Variants in AGTPBP1 observed in about 807,000 individuals in gnomAD.
The protein encoded by AGTPBP1 is cytosolic carboxypeptidase 1.
In AGTPBP1, 70 loss-of-function variants were observed where a neutral mutation model predicts 143.9. That is an observed-to-expected ratio of 0.49 (90% CI 0.40 to 0.59). The LOEUF is 0.59. AGTPBP1 is among the 20% of genes least tolerant of loss of function. AGTPBP1 has a pLI of 0.00. For missense variants in AGTPBP1, 1,229 were observed against 1,464.5 expected, an observed-to-expected ratio of 0.84 and a Z score of 2.62; for synonymous variants, 463 against 500.2, an observed-to-expected ratio of 0.93 and a Z score of 0.99.
At chr9:85,744,912 G>C (rs1431773133), upstream of AGTPBP1, among the ~76,000 whole-genome samples, 1 of 152,170 alleles carries the variant, frequency 6.6e-6, no homozygotes. Flanking sequence ...ACAAAACACA[G>C]AGCTAATTTC....
chr9:85,625,496 A>G (rs919870364), intron 14 of AGTPBP1, among the ~76,000 whole-genome samples: 2 of 152,114 alleles, frequency 1.3e-5, no homozygotes, highest in African/African-American at 2.4e-5. Flanking sequence ...TTTTATTTTC[A>G]TAAGCGTATT....
rs568423966 is a variant in AGTPBP1 at position 85,553,740 on chromosome 9, C to T, written c.3504-6454G>A. 3 of 152,284 alleles carry T rather than the reference C, an allele frequency of 2.0e-5. No homozygotes were observed. In the East Asian group the frequency reaches 5.8e-4, roughly 29 times the overall value. The allele number at this position is 152,284 out of a possible 1,614,324, so 9.4% of individuals were successfully genotyped here. ...AAATTAGACAAGAGCATTTCAAAAA[C>T]TGAAACCATTATATTCTATTAATTT... On this transcript the variant is annotated intron_variant, in intron 25 of 25. Transcript: ENST00000357081.
chr9:85,790,530 A>G, the AGTPBP1 span, among the ~76,000 whole-genome samples: 2 of 152,166 alleles, frequency 1.3e-5, no homozygotes, highest in Non-Finnish European at 1.5e-5. Context: ...TCCAACATGG[A>G]GGTAATTAGA....
intron 3 of AGTPBP1, among the ~76,000 whole-genome samples, chr9:85,689,127 GTA>G (rs1326381169): frequency 6.6e-6 from 1 of 152,112 alleles, no homozygotes; most frequent in African/African-American, 2.4e-5. Context: ...CATATGAACT[GTA>G]TGTTTCAACT....
At chr9:85,623,701 G>A (rs1831090152) in intron 14 of AGTPBP1, among the ~76,000 whole-genome samples, 1 of 151,248 alleles carries the variant, frequency 6.6e-6, no homozygotes, top group African/African-American at 2.4e-5. Context: ...AGGTTGCAGT[G>A]AGCTGAGATT....
intron 9 of AGTPBP1, among the ~76,000 whole-genome samples, chr9:85,658,253 A>G (rs1045757637): frequency 3.9e-5 from 6 of 152,194 alleles, no homozygotes; most frequent in African/African-American, 9.6e-5. Flanking sequence ...GGAGCATTAC[A>G]TGATTAGAAA....
chr9:85,710,674 C>T (rs74840765), intron 2 of AGTPBP1, among the ~76,000 whole-genome samples: 1,733 of 149,470 alleles, frequency 0.012, 17 homozygotes, highest in Non-Finnish European at 0.018. Context: ...AATTAGTTAC[C>T]CTACAACAAC....
the AGTPBP1 span, among the ~76,000 whole-genome samples, chr9:85,764,315 G>A: frequency 6.6e-6 from 1 of 151,954 alleles, no homozygotes; most frequent in African/African-American, 2.4e-5. Context: ...GATCACCTGA[G>A]GTCAGGAGTT....
chr9:85,673,320 C>T (rs1220549669), intron 6 of AGTPBP1, among the ~76,000 whole-genome samples: 2 of 152,012 alleles, frequency 1.3e-5, no homozygotes, highest in Non-Finnish European at 2.9e-5. Flanking sequence ...TACACATATA[C>T]ATTTGTCTAG....
chr9:85,707,183 G>A (rs1837069641), intron 2 of AGTPBP1, among the ~76,000 whole-genome samples: 1 of 151,952 alleles, frequency 6.6e-6, no homozygotes, highest in Non-Finnish European at 1.5e-5. Context: ...GAAATCAGAA[G>A]GTATTTCTAA....
chr9:85,611,620 T>G (rs553068322), intron 17 of AGTPBP1, among the ~76,000 whole-genome samples: 28 of 152,252 alleles, frequency 1.8e-4, no homozygotes, highest in Non-Finnish European at 2.9e-4. Context: ...CTTAGGTAGA[T>G]AGAGAAGACA....
the AGTPBP1 span, among the ~76,000 whole-genome samples, chr9:85,755,247 T>C: frequency 6.6e-6 from 1 of 152,168 alleles, no homozygotes; most frequent in Non-Finnish European, 1.5e-5. Flanking sequence ...GAAATAATAC[T>C]ATATGGATTT....
At chr9:85,673,848 C>T (rs937434220) in intron 6 of AGTPBP1, among the ~76,000 whole-genome samples, 10 of 151,942 alleles carry the variant, frequency 6.6e-5, no homozygotes, top group Non-Finnish European at 4.4e-5. Flanking sequence ...AGGCAGGGCG[C>T]GGTGGCTCAC....
the AGTPBP1 span, among the ~76,000 whole-genome samples, chr9:85,767,446 C>T: frequency 6.6e-6 from 1 of 151,496 alleles, no homozygotes; most frequent in Non-Finnish European, 1.5e-5. Context: ...CTGCCTGGTT[C>T]AAGCGATTTC....
At chr9:85,681,498 T>C (rs1009078998) in intron 3 of AGTPBP1, among the ~76,000 whole-genome samples, 163 bp from the exon 4 acceptor site, 3 of 152,298 alleles carry the variant, frequency 2.0e-5, no homozygotes, top group African/African-American at 4.8e-5. Context: ...AATTCTACCA[T>C]ATGTGGACTT....
At chr9:85,778,444 C>T in the AGTPBP1 span, among the ~76,000 whole-genome samples, 1 of 152,176 alleles carries the variant, frequency 6.6e-6, no homozygotes, top group Non-Finnish European at 1.5e-5. Flanking sequence ...CAAACAGCAT[C>T]CCTATCTGCC....
rs763353263 is a variant in AGTPBP1, at chr9:85,633,266, T to C, written c.1411A>G (p.Asn471Asp). The C allele has an allele frequency of 1.2e-6, 2 of 1,614,086 alleles. No homozygotes were observed. Among genetic ancestry groups the C allele is most frequent in the Non-Finnish European group, 1.7e-6 (2 of 1,179,996 alleles). The change falls in exon 14 of 26, where the codon AAT (asparagine) becomes GAT (aspartate). Residue 471 changes from asparagine (N) to aspartate (D), a missense_variant. Coordinates refer to ENST00000357081, the MANE Select transcript of AGTPBP1 (RefSeq NM_001330701.2). ...TCCTTCATTACAACTTTTCTTAAAT[T>C]GCCAGAATTCCCAGATGTTTCCTCG... ...AGEETSGNSG[N>D]LRKVVMKENI...
At chr9:85,645,147 T>A (rs1030861077) in intron 12 of AGTPBP1, among the ~76,000 whole-genome samples, 4 of 152,140 alleles carry the variant, frequency 2.6e-5, no homozygotes, top group African/African-American at 7.2e-5. Flanking sequence ...AGGGTTGCTA[T>A]AAGGATCTAA....
At chr9:85,671,542 T>C (rs1834483475) in intron 7 of AGTPBP1, among the ~76,000 whole-genome samples, 1 of 152,228 alleles carries the variant, frequency 6.6e-6, no homozygotes, top group Admixed American at 6.5e-5. Flanking sequence ...TGTATGTTTA[T>C]ATATTACATA....
Sources: allele counts gnomAD v4.1 joint callset (sites outside exome capture counted in the v4.1 genomes callset), GRCh38; gene constraint gnomAD v4.1.1; transcripts MANE v1.5; gene names NCBI Gene and HGNC (gene_info 2026-07-23, HGNC 2026-07-21).